Variants in TTC21B observed in about 807,000 individuals in gnomAD.
TTC21B encodes the protein tetratricopeptide repeat protein 21B.
Under a neutral mutation model 175.1 loss-of-function variants are expected in TTC21B, and 127 were observed. The observed-to-expected ratio is 0.73, with a 90% CI of 0.63 to 0.84. The LOEUF (loss-of-function observed/expected upper bound fraction) is 0.84. Ranked by LOEUF, TTC21B falls within the 40% of genes least tolerant of loss-of-function variation. The probability of loss-of-function intolerance (pLI) is 0.00; values close to 1 mark genes in which losing one functional copy is unlikely to be tolerated. For synonymous variants in TTC21B, 524 were observed against 524.5 expected (o/e 1.00, Z 0.01); for missense variants, 1,561 against 1,558.3 (o/e 1.00, Z -0.03).
chr2:165,938,357 C>T (rs78320321), intron 6 of TTC21B, among the ~76,000 whole-genome samples: 2,796 of 152,048 alleles, frequency 0.018, 123 homozygotes, highest in Admixed American at 0.1. Context: ...TGACAGAATT[C>T]AAATGCAACC....
intron 19 of TTC21B, among the ~76,000 whole-genome samples, chr2:165,906,436 G>T (rs1223678566): frequency 6.6e-6 from 1 of 151,724 alleles, no homozygotes; most frequent in African/African-American, 2.4e-5. Context: ...ACTAATATCA[G>T]GTTTGTAAAA....
At position 165,913,624 on chromosome 2, in the gene TTC21B, T is replaced by C; in HGVS notation, c.2161A>G (p.Asn721Asp). The stretch of plus-strand genomic sequence containing the variant: ...CCAAGGAGAAGAAAAGACCGAGGGT[T>C]AGCCATTCTTTCAGCAATTTCTCTG... ...CFREIAERMA[N>D]PRSFLLLGDA... The change falls in exon 16 of 29, where the codon AAC (asparagine) becomes GAC (aspartate). Residue 721 changes from asparagine (N) to aspartate (D), a missense_variant. By Grantham distance (23) the Asn-to-Asp change is conservative. Transcript: ENST00000243344. The C allele has an allele frequency of 6.2e-7, 1 of 1,613,016 alleles. No individual in the cohort carries two copies. Among genetic ancestry groups the C allele is most frequent in the Non-Finnish European group, 8.5e-7 (1 of 1,179,174 alleles).
At chr2:165,935,474 C>T (rs1157855921) in intron 6 of TTC21B, among the ~76,000 whole-genome samples, 2 of 151,948 alleles carry the variant, frequency 1.3e-5, no homozygotes, top group Admixed American at 6.6e-5. Context: ...ATTTTCAATT[C>T]ATAGAATGCT....
chr2:165,881,746 T>C lies in TTC21B; in HGVS notation c.3685-947A>G, dbSNP rs116604687. On this transcript the variant is annotated intron_variant, in intron 26 of 28. Coordinates refer to ENST00000243344, the MANE Select transcript of TTC21B (RefSeq NM_024753.5). ...TGAGGCATAAAAACATGGATGCATGTTTTTGTATATTTCTTAATTGTAATT... is the reference window on the plus strand; with the variant it reads ...TGAGGCATAAAAACATGGATGCATGCTTTTGTATATTTCTTAATTGTAATT... 7.5e-3 allele frequency among the ~76,000 whole-genome samples: 1,136 copies of C among 152,196 alleles called. 16 individuals are homozygous for C. Among genetic ancestry groups the C allele is most frequent in the African/African-American group, 0.026 (1,079 of 41,542 alleles).
intron 28 of TTC21B, among the ~76,000 whole-genome samples, chr2:165,875,812 G>C (rs1429920610): frequency 7.0e-6 from 1 of 143,480 alleles, no homozygotes; most frequent in East Asian, 2.2e-4. Context: ...ACTGGTCTTT[G>C]TCTTTTTTTT....
chr2:165,894,997 C>T (rs1461843583), intron 22 of TTC21B, among the ~76,000 whole-genome samples: 1 of 151,916 alleles, frequency 6.6e-6, no homozygotes, highest in African/African-American at 2.4e-5. Flanking sequence ...CCCTTTGCTC[C>T]GAGGCAAATC....
intron 13 of TTC21B, 22 bp downstream of exon 13, chr2:165,919,254 C>T: frequency 1.9e-6 from 3 of 1,612,912 alleles, no homozygotes; most frequent in Middle Eastern, 1.7e-4. Context: ...ATGTCTTATC[C>T]ACTTCAGTCT....
At chr2:165,898,146 T>C (rs543560371) in intron 22 of TTC21B, among the ~76,000 whole-genome samples, 37 of 152,280 alleles carry the variant, frequency 2.4e-4, no homozygotes, top group Non-Finnish European at 1.8e-4. Flanking sequence ...AGCAGGAAGA[T>C]GTCACAGCAC....
rs939614290 is a variant in TTC21B at position 165,913,573 on chromosome 2, C to A, written c.2211+1G>T. ...CAGTTCAGTAACATCAGAAATTTTA[C>A]CTCTAGAATATTCATGTATGCATCA... On this transcript the variant is annotated splice_donor_variant, in intron 16 of 28. Transcript: ENST00000243344. LOFTEE classifies it high-confidence loss of function. 1 of 1,607,064 alleles carries A rather than the reference C, an allele frequency of 6.2e-7. No homozygotes were observed. Among genetic ancestry groups the A allele is most frequent in the South Asian group, 1.1e-5 (1 of 90,820 alleles).
At chr2:165,918,689 C>T (rs1021948675) in intron 13 of TTC21B, among the ~76,000 whole-genome samples, 4 of 152,146 alleles carry the variant, frequency 2.6e-5, no homozygotes, top group Non-Finnish European at 4.4e-5. Flanking sequence ...GTTTTCAGAG[C>T]TCCTCCATGA....
At chr2:165,939,538 G>C (rs1010856202) in intron 6 of TTC21B, among the ~76,000 whole-genome samples, 6 of 152,126 alleles carry the variant, frequency 3.9e-5, no homozygotes, top group Admixed American at 3.9e-4. Flanking sequence ...CTGTTAGAAA[G>C]TATTGATTTG....
rs538425872 is a variant in TTC21B at position 165,895,604 on chromosome 2, G to A, written c.2950+3082C>T. On this transcript the variant is annotated intron_variant, in intron 22 of 28. Coordinates refer to ENST00000243344, the MANE Select transcript of TTC21B (RefSeq NM_024753.5). The stretch of plus-strand genomic sequence containing the variant: ...TATATTACTTTTAAATGGTAGTTTA[G>A]AGAAGAGGAATAAGAGAAAACAGTG... 5.3e-5 allele frequency among the ~76,000 whole-genome samples: 8 copies of A among 152,224 alleles called. No individual in the cohort carries two copies. The South Asian group carries it at 1.5e-3, about 28-fold the overall frequency.
chr2:165,875,828 A>T (rs543803265), intron 28 of TTC21B, among the ~76,000 whole-genome samples: 218 of 145,770 alleles, frequency 1.5e-3, no homozygotes, highest in Non-Finnish European at 2.8e-3. Flanking sequence ...TTTTTTTTTT[A>T]AAGTAAAAGT....
chr2:165,901,803 T>C lies in TTC21B; in HGVS notation c.2676A>G (p.Lys892=), dbSNP rs1343324875. ...LAAEICAEIA[K]HSVAQRDYEK... ...CATAGTCTCGCTGAGCAACAGAATG[T>C]TTTGCAATCTCTGCACAAATTTCAG... is the stretch of plus-strand genomic sequence containing the variant. The change falls in exon 20 of 29, where the codon AAA becomes AAG. Residue 892 remains lysine (K), a synonymous_variant. Coordinates refer to ENST00000243344, the MANE Select transcript of TTC21B (RefSeq NM_024753.5). 3 of 1,614,148 alleles carry C rather than the reference T, an allele frequency of 1.9e-6. No homozygotes were observed. The highest frequency in any genetic ancestry group is 2.5e-6 in the Non-Finnish European group (3 of 1,180,020).
intron 11 of TTC21B, among the ~76,000 whole-genome samples, chr2:165,927,389 T>C (rs1258109915): frequency 7.2e-6 from 1 of 139,298 alleles, no homozygotes; most frequent in Non-Finnish European, 1.5e-5. Context: ...TATTTTCAAG[T>C]CTTTGTTCAG....
chr2:165,933,154 T>G (rs1161616850), intron 6 of TTC21B, 97 bp from the exon 7 acceptor site: 7 of 917,310 alleles, frequency 7.6e-6, no homozygotes, highest in Non-Finnish European at 1.2e-5. Flanking sequence ...ACTATTCCAC[T>G]GTTCAAATAA....
chr2:165,919,781 T>C (rs1686319662), intron 12 of TTC21B, among the ~76,000 whole-genome samples: 1 of 152,190 alleles, frequency 6.6e-6, no homozygotes, highest in South Asian at 2.1e-4. Context: ...AAATAAATTA[T>C]GTAGAACAAA....
At chr2:165,919,481 G>A (rs1357758552) in intron 12 of TTC21B, 48 bp from the exon 13 acceptor site, 2 of 1,588,550 alleles carry the variant, frequency 1.3e-6, no homozygotes, top group East Asian at 4.5e-5. Context: ...ATTAAGAAAT[G>A]GAGATCTGAG....
At chr2:165,903,411 C>T (rs1396245798) in intron 19 of TTC21B, among the ~76,000 whole-genome samples, 1 of 152,036 alleles carries the variant, frequency 6.6e-6, no homozygotes, top group Non-Finnish European at 1.5e-5. Context: ...AACAGGTAAG[C>T]CTGTTAAATA....
Sources: gnomAD v4.1 joint callset for allele counts (sites outside exome capture counted in the v4.1 genomes callset) on GRCh38, gnomAD v4.1.1 for gene constraint, MANE v1.5 for transcripts, NCBI Gene and HGNC (gene_info 2026-07-23, HGNC 2026-07-21) for gene names.